The following FXR1 variants were observed in gnomAD, a reference collection of about 807,000 sequenced individuals.
The protein encoded by FXR1 is FMR1 autosomal homolog 1.
FXR1 carries 15 observed loss-of-function variants against 84.0 expected under a neutral mutation model. That is an observed-to-expected ratio of 0.18 (90% CI 0.12 to 0.27). FXR1 has a LOEUF of 0.27. Among genes scored for constraint, FXR1 ranks in the 10% least tolerant of loss-of-function variants. The pLI, the probability that FXR1 is intolerant of heterozygous loss-of-function variation, is 1.00. For synonymous variants in FXR1, 245 were observed against 250.7 expected (o/e 0.98, Z 0.21); for missense variants, 480 against 774.4 (o/e 0.62, Z 4.51).
rs543205266 is a variant in FXR1, at chr3:180,980,962, G to A, written c.*4670G>A. 6.6e-6 allele frequency: 1 copy of A among 151,962 alleles called. No individual in the cohort carries two copies. Among genetic ancestry groups the A allele is most frequent in the South Asian group, 2.1e-4 (1 of 4,808 alleles). The allele number at this position is 151,962 out of a possible 1,614,324, so 9.4% of individuals were successfully genotyped here. Reference sequence around the variant, plus strand: ...TTACTTTGTTTACATAAAATTTACAGGGTTTTGTTTTTTTAAGCTTAGTCT... The same window carrying A: ...TTACTTTGTTTACATAAAATTTACAAGGTTTTGTTTTTTTAAGCTTAGTCT... On this transcript the variant is annotated 3_prime_UTR_variant, in exon 17 of 17. Coordinates refer to ENST00000357559, the MANE Select transcript of FXR1 (RefSeq NM_005087.4).
At chr3:180,933,979 G>T (rs965330913) in intron 2 of FXR1, among the ~76,000 whole-genome samples, 4 of 88,384 alleles carry the variant, frequency 4.5e-5, no homozygotes, top group South Asian at 7.1e-4. Flanking sequence ...TAGTCATGGT[G>T]GGGGGGCGCC....
At chr3:180,933,183 A>G (rs1576920422) in intron 1 of FXR1, 151 bp from the exon 2 acceptor site, 1 of 589,998 alleles carries the variant, frequency 1.7e-6, no homozygotes, top group East Asian at 3.0e-5. Context: ...TGTGTCTCAT[A>G]AATAGAATAG....
At chr3:180,956,584 G>A (rs1440367086) in intron 9 of FXR1, among the ~76,000 whole-genome samples, 2 of 152,170 alleles carry the variant, frequency 1.3e-5, no homozygotes, top group Admixed American at 1.3e-4. Flanking sequence ...GCAGGGTCAA[G>A]GATGGAGTTG....
chr3:180,955,295 G>A (rs950001663), intron 9 of FXR1, among the ~76,000 whole-genome samples: 3 of 152,008 alleles, frequency 2.0e-5, no homozygotes, highest in Non-Finnish European at 2.9e-5. Flanking sequence ...CACCGCGCCC[G>A]GATGTAAAAA....
intron 9 of FXR1, among the ~76,000 whole-genome samples, chr3:180,955,284 C>T (rs1722639775): frequency 6.6e-6 from 1 of 152,080 alleles, no homozygotes; most frequent in Admixed American, 6.6e-5. Context: ...CAGGCGTGAT[C>T]CACCGCGCCC....
At chr3:180,928,898 C>G (rs998265039) in intron 1 of FXR1, among the ~76,000 whole-genome samples, 3 of 151,756 alleles carry the variant, frequency 2.0e-5, no homozygotes, top group African/African-American at 7.3e-5. Flanking sequence ...TCCCTACTTT[C>G]ATTTTACACT....
chr3:180,960,392 A>G (rs1711945657), intron 10 of FXR1, among the ~76,000 whole-genome samples: 1 of 152,158 alleles, frequency 6.6e-6, no homozygotes, highest in Non-Finnish European at 1.5e-5. Flanking sequence ...GTGCTTTATT[A>G]TGCTTTAAAG....
At chr3:180,972,773 G>A (rs577892783) in intron 15 of FXR1, among the ~76,000 whole-genome samples, 3 of 152,180 alleles carry the variant, frequency 2.0e-5, no homozygotes, top group South Asian at 2.1e-4. Flanking sequence ...TTACTTCTTT[G>A]GGATTACTAC....
chr3:180,917,071 C>T (rs1255907823), intron 1 of FXR1, among the ~76,000 whole-genome samples: 1 of 151,526 alleles, frequency 6.6e-6, no homozygotes, highest in Non-Finnish European at 1.5e-5. Context: ...CCAGGATGGC[C>T]TCCATCTGTC....
At chr3:180,929,543 CA>C (rs1719636335) in intron 1 of FXR1, among the ~76,000 whole-genome samples, 1 of 152,092 alleles carries the variant, frequency 6.6e-6, no homozygotes, top group African/African-American at 2.4e-5. Flanking sequence ...GGACCTGAGC[CA>C]GGTGGGTGTG....
chr3:180,970,399 T>TATATATATATAC (rs1713398942), intron 15 of FXR1, 41 bp downstream of exon 15: 1 of 281,256 alleles, frequency 3.6e-6, no homozygotes, highest in African/African-American at 2.4e-5. Flanking sequence ...TATATATATA[T>TATATATATATAC]ATATATATAT....
At chr3:180,939,875 A>G (rs1720936329) in intron 3 of FXR1, among the ~76,000 whole-genome samples, 2 of 152,238 alleles carry the variant, frequency 1.3e-5, no homozygotes, top group East Asian at 1.9e-4. Context: ...GATCCAAGAG[A>G]GAGCTTTATT....
chr3:180,930,425 A>G (rs1719751511), intron 1 of FXR1, among the ~76,000 whole-genome samples: 1 of 152,086 alleles, frequency 6.6e-6, no homozygotes, highest in African/African-American at 2.4e-5. Flanking sequence ...AGAGTGAGAG[A>G]TTATTATAAA....
chr3:180,959,937 G>C (rs570731116), intron 10 of FXR1, among the ~76,000 whole-genome samples: 4 of 151,900 alleles, frequency 2.6e-5, no homozygotes, highest in African/African-American at 4.8e-5. Flanking sequence ...CTTAAACCAC[G>C]CTTAGTTTCA....
chr3:180,958,966 C>G (rs1303631245), intron 10 of FXR1, among the ~76,000 whole-genome samples: 1 of 151,986 alleles, frequency 6.6e-6, no homozygotes, highest in Non-Finnish European at 1.5e-5. Context: ...CGCCATCACG[C>G]CCAGCTAATT....
chr3:180,915,525 T>A (rs1717784383), intron 1 of FXR1: 4 of 1,474,212 alleles, frequency 2.7e-6, no homozygotes, highest in Non-Finnish European at 3.7e-6. Context: ...ACATGGTCAC[T>A]GAGGTAATTT....
intron 10 of FXR1, among the ~76,000 whole-genome samples, chr3:180,958,322 A>G (rs2108478224): frequency 6.6e-6 from 1 of 152,048 alleles, no homozygotes; most frequent in Admixed American, 6.5e-5. Flanking sequence ...CTGAGATTTT[A>G]GTGCACCTGT....
rs1714379868 is a variant in FXR1 at position 180,977,851 on chromosome 3, CA to C, written c.*1560del. ...GTATAGTTAAAAATGTACAATGTGCCAGTTCAGTATATATAACCCTAGCCCT... is the reference window on the plus strand; with the variant it reads ...GTATAGTTAAAAATGTACAATGTGCCGTTCAGTATATATAACCCTAGCCCT... On this transcript the variant is annotated 3_prime_UTR_variant, in exon 17 of 17. Coordinates refer to ENST00000357559, the MANE Select transcript of FXR1 (RefSeq NM_005087.4). 6.6e-6 allele frequency: 1 copy of C among 151,954 alleles called. No homozygotes were observed. The highest frequency in any genetic ancestry group is 6.6e-5 in the Admixed American group (1 of 15,238). The allele number at this position is 151,954 out of a possible 1,614,324, so 9.4% of individuals were successfully genotyped here. A position where few individuals can be genotyped will look rare whatever the true frequency, so the allele number is the denominator to read the frequency against.
At chr3:180,915,921 A>G (rs1717838835) in intron 1 of FXR1, among the ~76,000 whole-genome samples, 1 of 152,252 alleles carries the variant, frequency 6.6e-6, no homozygotes, top group African/African-American at 2.4e-5. Context: ...ATTGTTCTGC[A>G]TTTAACAGTG....
Sources: gnomAD v4.1 joint callset for allele counts (sites outside exome capture counted in the v4.1 genomes callset) on GRCh38, gnomAD v4.1.1 for gene constraint, MANE v1.5 for transcripts, NCBI Gene and HGNC (gene_info 2026-07-23, HGNC 2026-07-21) for gene names.